Variants in C3orf20 observed in about 807,000 individuals in gnomAD.
C3orf20 encodes family with sequence similarity 149 member C.
A neutral mutation model predicts 88.3 loss-of-function variants in C3orf20; 76 were observed. The ratio of observed to expected loss-of-function variants is 0.86; its 90% confidence interval spans 0.72 to 1.04. The LOEUF is 1.04. Ranked by LOEUF, C3orf20 falls within the 50% of genes least tolerant of loss-of-function variation. The pLI is 0.00. For missense variants in C3orf20, 1,056 were observed against 1,123.3 expected, an observed-to-expected ratio of 0.94 and a Z score of 0.86; for synonymous variants, 436 against 437.4, an observed-to-expected ratio of 1.00 and a Z score of 0.04.
chr3:14,736,942 T>C (rs2034731787), intron 12 of C3orf20, among the ~76,000 whole-genome samples: 1 of 152,220 alleles, frequency 6.6e-6, no homozygotes, highest in Non-Finnish European at 1.5e-5. Context: ...TTTGAAGATG[T>C]CGTTCTGCTG....
chr3:14,696,023 C>G (rs1194968003), intron 5 of C3orf20, among the ~76,000 whole-genome samples: 2 of 151,828 alleles, frequency 1.3e-5, no homozygotes, highest in East Asian at 3.9e-4. Context: ...TTTGTTGTTT[C>G]TCTGGTTGTT....
intron 7 of C3orf20, among the ~76,000 whole-genome samples, chr3:14,709,856 A>G (rs1176065121): frequency 1.3e-5 from 2 of 152,210 alleles, no homozygotes; most frequent in African/African-American, 4.8e-5. Flanking sequence ...TGGCTTTGGT[A>G]TCAAGATAAC....
chr3:14,749,813 A>G (rs1179412096), intron 12 of C3orf20, among the ~76,000 whole-genome samples: 1 of 151,986 alleles, frequency 6.6e-6, no homozygotes, highest in Non-Finnish European at 1.5e-5. Context: ...ATGTGTAACA[A>G]TCTAGTTTGA....
intron 9 of C3orf20, among the ~76,000 whole-genome samples, chr3:14,716,491 T>A (rs902570161): frequency 6.6e-6 from 1 of 152,170 alleles, no homozygotes; most frequent in African/African-American, 2.4e-5. Context: ...GTTCATCCTC[T>A]ACACTGGCCA....
intron 15 of C3orf20, among the ~76,000 whole-genome samples, chr3:14,771,392 C>G (rs894367042): frequency 1.3e-5 from 2 of 152,276 alleles, no homozygotes; most frequent in African/African-American, 4.8e-5. Flanking sequence ...AATTCATCCT[C>G]TCACAGTTCT....
chr3:14,728,576 G>A lies in C3orf20; in HGVS notation c.1828G>A (p.Gly610Ser). Residue 610 changes from glycine to serine, a missense_variant, in exon 12 of 17, where the codon GGC (glycine) becomes AGC (serine). By Grantham distance (56) the Gly-to-Ser change is moderately conservative. Coordinates refer to ENST00000253697, the MANE Select transcript of C3orf20 (RefSeq NM_032137.5). ...AGAAAGTCTTTTACGATCTCAGTCA[G>A]GCCACCTGGAATCCTCAATTGCAGA... ...SGESLLRSQS[G>S]HLESSIAETL... 5.6e-6 allele frequency: 9 copies of A among 1,614,210 alleles called. No individual in the cohort carries two copies. Among genetic ancestry groups the A allele is most frequent in the Non-Finnish European group, 7.6e-6 (9 of 1,180,042 alleles).
intron 15 of C3orf20, among the ~76,000 whole-genome samples, chr3:14,767,591 T>A (rs2125045292): frequency 6.6e-6 from 1 of 152,364 alleles, no homozygotes; most frequent in East Asian, 1.9e-4. Flanking sequence ...TTCCTTAAAC[T>A]GTCATGTGCC....
intron 7 of C3orf20, among the ~76,000 whole-genome samples, chr3:14,706,838 T>C (rs1173175153): frequency 1.3e-5 from 2 of 152,128 alleles, no homozygotes; most frequent in African/African-American, 4.8e-5. Flanking sequence ...ATTTGATCCC[T>C]CTCAAGTACA....
intron 15 of C3orf20, among the ~76,000 whole-genome samples, chr3:14,769,011 G>A (rs1293320847): frequency 6.6e-6 from 1 of 152,032 alleles, no homozygotes; most frequent in South Asian, 2.1e-4. Flanking sequence ...TGGCCTAGTC[G>A]TTCACGATCC....
At chr3:14,742,771 T>G (rs73024142) in intron 12 of C3orf20, among the ~76,000 whole-genome samples, 6 of 151,712 alleles carry the variant, frequency 4.0e-5, no homozygotes, top group South Asian at 2.1e-4. Flanking sequence ...GGTGGGAGGC[T>G]AAAGGCTCTT....
Position 14,745,852 on chromosome 3 carries a change from C to A in C3orf20, c.1941-11519C>A, listed in dbSNP as rs1377707004. 1.3e-4 allele frequency among the ~76,000 whole-genome samples: 20 copies of A among 152,178 alleles called. No individual in the cohort carries two copies. The South Asian group carries it at 4.2e-3, about 32-fold the overall frequency. On this transcript the variant is annotated intron_variant, in intron 12 of 16. Transcript: ENST00000253697. ...CAACATATACATAATATAAAATTGA[C>A]CATTTTAACCATTTAATGAAGTGTG...
chr3:14,769,575 GCA>G (rs1322050793), intron 15 of C3orf20, among the ~76,000 whole-genome samples: 1 of 152,188 alleles, frequency 6.6e-6, no homozygotes, highest in Non-Finnish European at 1.5e-5. Context: ...AGTGGGGAGG[GCA>G]CAGGGTGAGG....
At chr3:14,722,460 C>A (rs749308401) in intron 10 of C3orf20, 2 of 456,610 alleles carry the variant, frequency 4.4e-6, no homozygotes, top group South Asian at 3.1e-5. Context: ...AGAAGAGTTT[C>A]CCTAAAGGAA....
chr3:14,755,832 A>G (rs1401570063), intron 12 of C3orf20, among the ~76,000 whole-genome samples: 1 of 152,076 alleles, frequency 6.6e-6, no homozygotes, highest in East Asian at 1.9e-4. Flanking sequence ...GATCGAGACC[A>G]TCCTGGCTAA....
intron 4 of C3orf20, 113 bp downstream of exon 4, chr3:14,684,495 G>C: frequency 7.4e-7 from 1 of 1,357,780 alleles, no homozygotes; most frequent in African/African-American, 1.5e-5. Context: ...GAATTGAGGT[G>C]GATGTGGAGC....
chr3:14,729,997 A>G (rs1182123785), intron 12 of C3orf20, among the ~76,000 whole-genome samples: 1 of 152,272 alleles, frequency 6.6e-6, no homozygotes, highest in Non-Finnish European at 1.5e-5. Flanking sequence ...ATAACTACCA[A>G]GTCAAGAAAT....
intron 7 of C3orf20, among the ~76,000 whole-genome samples, chr3:14,706,223 C>T (rs1438690347): frequency 1.3e-5 from 2 of 152,078 alleles, no homozygotes; most frequent in African/African-American, 4.8e-5. Context: ...TTTCTCAGAC[C>T]GTATATGAAT....
chr3:14,727,743 G>A (rs1235235194), intron 11 of C3orf20, among the ~76,000 whole-genome samples: 1 of 152,158 alleles, frequency 6.6e-6, no homozygotes, highest in Non-Finnish European at 1.5e-5. Context: ...GGCTCCCATA[G>A]CACTTAATTA....
intron 6 of C3orf20, 60 bp from the exon 7 acceptor site, chr3:14,704,277 A>G: frequency 6.4e-7 from 1 of 1,565,692 alleles, no homozygotes; most frequent in Non-Finnish European, 8.7e-7. Context: ...GGCTGTAGAG[A>G]GCATCCCTGG....
Sources: allele counts gnomAD v4.1 joint callset (sites outside exome capture counted in the v4.1 genomes callset), GRCh38; gene constraint gnomAD v4.1.1; transcripts MANE v1.5; gene names NCBI Gene and HGNC (gene_info 2026-07-23, HGNC 2026-07-21).